Variants in EBF3 observed in about 807,000 individuals in gnomAD.
EBF3 encodes the protein transcription factor COE3.
In EBF3, 18 loss-of-function variants were observed where a neutral mutation model predicts 77.1. The observed-to-expected ratio is 0.23, with a 90% CI of 0.16 to 0.35. The LOEUF (loss-of-function observed/expected upper bound fraction) is 0.35, where lower values mean the gene tolerates loss of function less well. Ranked by LOEUF, EBF3 falls within the 10% of genes least tolerant of loss-of-function variation. The pLI is 1.00. For synonymous variants in EBF3, 350 were observed against 343.5 expected, an observed-to-expected ratio of 1.02 and a Z score of -0.21; for missense variants, 558 against 860.0, an observed-to-expected ratio of 0.65 and a Z score of 4.39.
At chr10:129,877,211 C>T (rs1216469231) in intron 7 of EBF3, among the ~76,000 whole-genome samples, 2 of 152,106 alleles carry the variant, frequency 1.3e-5, no homozygotes, top group Non-Finnish European at 2.9e-5. Flanking sequence ...CACTTCTGGG[C>T]TGGGCACGGT....
chr10:129,836,563 T>TAAAA lies in EBF3; in HGVS notation c.*1376_*1379dup, dbSNP rs1006343627. The TAAAA allele has an allele frequency of 1.4e-5, 2 of 145,688 alleles. No homozygotes were observed. Among genetic ancestry groups the TAAAA allele is most frequent in the Non-Finnish European group, 3.0e-5 (2 of 66,084 alleles). 9.0% of individuals were successfully genotyped at this position (145,688 alleles called of 1,614,324 possible). A position where few individuals can be genotyped will look rare whatever the true frequency, so the allele number is the denominator to read the frequency against. Reference sequence around the variant, plus strand: ...TTGTTCAGATAACTTAAAAATAATATAAAAATAAACAATGAATTTGACTTT... The same window carrying TAAAA: ...TTGTTCAGATAACTTAAAAATAATATAAAAAAAAATAAACAATGAATTTGACTTT... On this transcript the variant is annotated 3_prime_UTR_variant, in exon 17 of 17. Transcript: ENST00000440978.
intron 6 of EBF3, among the ~76,000 whole-genome samples, chr10:129,904,956 C>G (rs766883824): frequency 7.2e-5 from 11 of 152,234 alleles, no homozygotes; most frequent in Non-Finnish European, 1.5e-4. Context: ...ATTTCTGAAG[C>G]AAAGTCAAAT....
chr10:129,923,922 A>G (rs1474972548), intron 6 of EBF3, among the ~76,000 whole-genome samples: 1 of 152,248 alleles, frequency 6.6e-6, no homozygotes, highest in Non-Finnish European at 1.5e-5. Context: ...GAATATAGAG[A>G]GAACTCCTAA....
rs972730855 is a variant in EBF3 at position 129,841,521 on chromosome 10, G to T, written c.1373-489C>A. Among the ~76,000 whole-genome samples, 9 of 152,320 alleles carry T rather than the reference G, an allele frequency of 5.9e-5. No individual in the cohort carries two copies. In the South Asian group the frequency reaches 1.2e-3, roughly 21 times the overall value. On this transcript the variant is annotated intron_variant, in intron 13 of 16. Transcript: ENST00000440978. This position sits in a 1 kb window ranked among gnomAD's most constrained non-coding sequence, Gnocchi z 4.6. ...TGGAAGCTTCATTCCTGCCATGGGA[G>T]CTTGTGGATGGACGGGAACAAAATC...
chr10:129,860,233 C>T (rs577618151), intron 10 of EBF3, among the ~76,000 whole-genome samples: 50 of 151,968 alleles, frequency 3.3e-4, no homozygotes, highest in Non-Finnish European at 5.7e-4. Flanking sequence ...AGTGTGATCC[C>T]GCTCTACCCC....
chr10:129,842,979 G>A lies in EBF3; in HGVS notation c.1194+158C>T, dbSNP rs916175722. Among the ~76,000 whole-genome samples the A allele has an allele frequency of 3.3e-5, 5 of 152,148 alleles. 1 individual carries two copies. Among genetic ancestry groups the A allele is most frequent in the South Asian group, 4.1e-4 (2 of 4,824 alleles). On this transcript the variant is annotated intron_variant, in intron 12 of 16. Transcript: ENST00000440978. This position sits in a 1 kb window ranked among gnomAD's most constrained non-coding sequence, Gnocchi z 4.4. ...CTCATCATTTCTACGTGAACCTAGC[G>A]TGAGGGCAAGGATGGGAAGCCATTC... is the stretch of plus-strand genomic sequence containing the variant.
intron 11 of EBF3, among the ~76,000 whole-genome samples, chr10:129,844,819 G>A (rs983750064): frequency 6.6e-5 from 10 of 152,156 alleles, no homozygotes; most frequent in African/African-American, 1.4e-4. Flanking sequence ...AGGCCCAGCT[G>A]TCTTAATCAG....
chr10:129,842,772 A>AAAAT lies in EBF3; in HGVS notation c.1194+364_1194+365insATTT, dbSNP rs1850174846. ...GAGCAAGACCCTGTCTAAAAAAAAAAAAAAAAAAAGGGAGCAACATTTGCT... is the reference window on the plus strand; with the variant it reads ...GAGCAAGACCCTGTCTAAAAAAAAAAAAATAAAAAAAAAGGGAGCAACATTTGCT... On this transcript the variant is annotated intron_variant, in intron 12 of 16. Transcript: ENST00000440978. This position sits in a 1 kb window ranked among gnomAD's most constrained non-coding sequence, Gnocchi z 4.4. Among the ~76,000 whole-genome samples the AAAAT allele has an allele frequency of 6.6e-6, 1 of 151,052 alleles. No homozygotes were observed. Among genetic ancestry groups the AAAAT allele is most frequent in the African/African-American group, 2.4e-5 (1 of 41,032 alleles).
In EBF3 at chr10:129,895,264, C is replaced by T. The variant is rs564365718; in HGVS notation, c.555-17415G>A. Among the ~76,000 whole-genome samples the T allele has an allele frequency of 2.6e-5, 4 of 152,224 alleles. No homozygotes were observed. The South Asian group carries it at 8.3e-4, about 32-fold the overall frequency. On this transcript the variant is annotated intron_variant, in intron 6 of 16. Coordinates refer to ENST00000440978, the MANE Select transcript of EBF3 (RefSeq NM_001375380.1). ...GAGTTTGGGAAGCCACCTGGCTGCT[C>T]TTAGCTCCTGATTGCCCTCTGCGAA...
chr10:129,847,720 CA>C (rs1300371298), intron 11 of EBF3, among the ~76,000 whole-genome samples: 2 of 152,086 alleles, frequency 1.3e-5, no homozygotes, highest in African/African-American at 4.8e-5. Flanking sequence ...GAGAAAGAGA[CA>C]AAATTATATC....
chr10:129,915,056 G>T (rs1293956339), intron 6 of EBF3, among the ~76,000 whole-genome samples: 2 of 152,174 alleles, frequency 1.3e-5, no homozygotes, highest in Non-Finnish European at 2.9e-5. Context: ...AGAGTTTGCT[G>T]CTCCTCACTG....
At chr10:129,916,087 G>A (rs185500308) in intron 6 of EBF3, among the ~76,000 whole-genome samples, 2 of 152,338 alleles carry the variant, frequency 1.3e-5, no homozygotes, top group Admixed American at 1.3e-4. Flanking sequence ...CCTGGGACAT[G>A]CCCCTCCAGC....
chr10:129,935,004 A>G lies in EBF3; in HGVS notation c.554+22254T>C, dbSNP rs1857259799. ...AGGGCCTACTGTGTACCTGGTGGTGATCTAACTAGATCAATAACAAGTAAT... is the reference window on the plus strand; with the variant it reads ...AGGGCCTACTGTGTACCTGGTGGTGGTCTAACTAGATCAATAACAAGTAAT... On this transcript the variant is annotated intron_variant, in intron 6 of 16. Coordinates refer to ENST00000440978, the MANE Select transcript of EBF3 (RefSeq NM_001375380.1). This position sits in a 1 kb window ranked among gnomAD's most constrained non-coding sequence, Gnocchi z 4.2. Among the ~76,000 whole-genome samples the G allele has an allele frequency of 6.6e-6, 1 of 152,152 alleles. No individual in the cohort carries two copies. The highest frequency in any genetic ancestry group is 1.5e-5 in the Non-Finnish European group (1 of 68,024).
intron 10 of EBF3, among the ~76,000 whole-genome samples, chr10:129,860,074 C>G (rs1851512448): frequency 6.6e-6 from 1 of 152,038 alleles, no homozygotes; most frequent in Non-Finnish European, 1.5e-5. Flanking sequence ...ATGTTATTAT[C>G]CCCGCTTTAT....
intron 6 of EBF3, among the ~76,000 whole-genome samples, chr10:129,940,037 C>T (rs1177084912): frequency 1.3e-5 from 2 of 152,222 alleles, no homozygotes; most frequent in Non-Finnish European, 2.9e-5. Context: ...TACACAACCC[C>T]GAGGGCCCAC....
At chr10:129,865,521 C>T (rs1051490513) in intron 10 of EBF3, among the ~76,000 whole-genome samples, 1 of 152,142 alleles carries the variant, frequency 6.6e-6, no homozygotes, top group Non-Finnish European at 1.5e-5. Context: ...GTGTGCTGGT[C>T]CCACAGAAGG....
Position 129,947,747 on chromosome 10 carries a change from A to G in EBF3, c.554+9511T>C, listed in dbSNP as rs145751690. Among the ~76,000 whole-genome samples, 1 of 152,050 alleles carries G rather than the reference A, an allele frequency of 6.6e-6. No homozygotes were observed. The highest frequency in any genetic ancestry group is 1.5e-5 in the Non-Finnish European group (1 of 67,988). On this transcript the variant is annotated intron_variant, in intron 6 of 16. Transcript: ENST00000440978. This position sits in a 1 kb window ranked among gnomAD's most constrained non-coding sequence, Gnocchi z 4.5. ...TCTGAAAGCCTGGTGAACCCCACTG[A>G]TGACATCCAAACACCGAAACATGAC...
chr10:129,872,608 G>A lies in EBF3; in HGVS notation c.781+844C>T, dbSNP rs897583978. ...ACAGGCTCTTTGCTCTAAAGGATTC[G>A]ATCATGCTGTTTTGTTTGCAATTCA... On this transcript the variant is annotated intron_variant, in intron 8 of 16. Transcript: ENST00000440978. 2.0e-5 allele frequency among the ~76,000 whole-genome samples: 3 copies of A among 152,094 alleles called. No individual in the cohort carries two copies. In the East Asian group the frequency reaches 5.8e-4, roughly 29 times the overall value.
At chr10:129,929,730 C>T (rs1350300192) in intron 6 of EBF3, among the ~76,000 whole-genome samples, 1 of 152,140 alleles carries the variant, frequency 6.6e-6, no homozygotes, top group Non-Finnish European at 1.5e-5. Context: ...AAGGTGGCAT[C>T]CTCAAAATGC....
Sources: allele counts gnomAD v4.1 joint callset (sites outside exome capture counted in the v4.1 genomes callset), GRCh38; gene constraint gnomAD v4.1.1; non-coding constraint Gnocchi (gnomAD v3.1); transcripts MANE v1.5; gene names NCBI Gene and HGNC (gene_info 2026-07-23, HGNC 2026-07-21).